IL1RAPL1: variants seen among roughly 807,000 people sequenced by gnomAD.
The protein encoded by IL1RAPL1 is interleukin-1 receptor accessory protein-like 1.
Under a neutral mutation model 48.4 loss-of-function variants are expected in IL1RAPL1, and 3 were observed. The observed-to-expected ratio is 0.06, with a 90% CI of 0.03 to 0.16. The LOEUF (loss-of-function observed/expected upper bound fraction) is 0.16, where lower values mean the gene tolerates loss of function less well. Ranked by LOEUF, IL1RAPL1 falls within the 10% of genes least tolerant of loss-of-function variation. The pLI, the probability that IL1RAPL1 is intolerant of heterozygous loss-of-function variation, is 1.00. For synonymous variants in IL1RAPL1, 185 were observed against 187.7 expected, an observed-to-expected ratio of 0.99 and a Z score of 0.12; for missense variants, 349 against 530.6, an observed-to-expected ratio of 0.66 and a Z score of 3.36.
chrX:28,892,514 G>A lies in IL1RAPL1; in HGVS notation c.82+103089G>A, dbSNP rs147977583. 1.4e-3 allele frequency among the ~76,000 whole-genome samples: 155 copies of A among 111,431 alleles called. 1 individual carries two copies. The highest frequency in any genetic ancestry group is 1.8e-3 in the Non-Finnish European group (95 of 53,105). ...ATTCTTCAGTTACTTCAGGCCATCC[G>A]GATGTATATGTGTAGGTCACAGGGG... is the stretch of plus-strand genomic sequence containing the variant. On this transcript the variant is annotated intron_variant, in intron 2 of 10. Transcript: ENST00000378993.
intron 2 of IL1RAPL1, among the ~76,000 whole-genome samples, chrX:28,841,752 C>G (rs1921378763): frequency 9.1e-6 from 1 of 110,176 alleles, no homozygotes; most frequent in Non-Finnish European, 1.9e-5. Flanking sequence ...AAGGCCAAGT[C>G]TGGAATCATT....
At chrX:29,371,293 G>A (rs1017344724) in intron 3 of IL1RAPL1, among the ~76,000 whole-genome samples, 28 of 109,096 alleles carry the variant, frequency 2.6e-4, no homozygotes, top group Non-Finnish European at 1.3e-4. Flanking sequence ...CACTATGCCC[G>A]GCTAATTTTT....
intron 5 of IL1RAPL1, among the ~76,000 whole-genome samples, chrX:29,664,130 C>T (rs1304508690): frequency 1.8e-5 from 2 of 112,144 alleles, no homozygotes; most frequent in African/African-American, 6.5e-5. Context: ...GTGGGCCGGG[C>T]GCGGTGGCTC....
At chrX:29,557,887 G>C (rs777176154) in intron 5 of IL1RAPL1, among the ~76,000 whole-genome samples, 2 of 110,246 alleles carry the variant, frequency 1.8e-5, no homozygotes, top group Admixed American at 9.7e-5. Context: ...ATATTTTATT[G>C]TGTGTGTGCA....
chrX:28,659,087 C>G (rs1934785875), intron 1 of IL1RAPL1: 1 of 668,091 alleles, frequency 1.5e-6, no homozygotes, highest in African/African-American at 2.2e-5. Context: ...ACGTATGCAG[C>G]CTGCTAGCTT....
At chrX:29,381,223 A>G (rs186299161) in intron 3 of IL1RAPL1, among the ~76,000 whole-genome samples, 21 of 110,042 alleles carry the variant, frequency 1.9e-4, no homozygotes, top group African/African-American at 6.6e-4. Flanking sequence ...CAATAATGCA[A>G]TAATAGACCA....
At chrX:29,609,165 G>A (rs1924014554) in intron 5 of IL1RAPL1, among the ~76,000 whole-genome samples, 1 of 111,406 alleles carries the variant, frequency 9.0e-6, no homozygotes, top group African/African-American at 3.3e-5. Flanking sequence ...CTCCCGTCAA[G>A]TCCTCCATTT....
At chrX:29,654,754 T>G (rs1925623145) in intron 5 of IL1RAPL1, among the ~76,000 whole-genome samples, 3 of 111,863 alleles carry the variant, frequency 2.7e-5, no homozygotes, top group Non-Finnish European at 5.6e-5. Flanking sequence ...CCAATGAAAT[T>G]TAATTCATCT....
At chrX:29,767,388 T>G (rs1928940567) in intron 6 of IL1RAPL1, among the ~76,000 whole-genome samples, 1 of 112,250 alleles carries the variant, frequency 8.9e-6, no homozygotes, top group South Asian at 3.7e-4. Context: ...TAGTTCTTAA[T>G]AATACCGTCA....
chrX:28,746,571 A>T (rs1290897239), intron 1 of IL1RAPL1, among the ~76,000 whole-genome samples: 1 of 111,905 alleles, frequency 8.9e-6, no homozygotes, highest in Non-Finnish European at 1.9e-5. Flanking sequence ...AATAGAAGGG[A>T]TATAATCTGA....
intron 5 of IL1RAPL1, among the ~76,000 whole-genome samples, chrX:29,524,250 A>G (rs12014589): frequency 0.027 from 2,817 of 106,211 alleles, 98 homozygotes; most frequent in African/African-American, 0.093. Flanking sequence ...TCCAAGACAC[A>G]TTTATGTAAG....
chrX:28,595,462 A>G (rs1171050884), intron 1 of IL1RAPL1, among the ~76,000 whole-genome samples: 1 of 112,287 alleles, frequency 8.9e-6, no homozygotes, highest in African/African-American at 3.2e-5. Flanking sequence ...AAATAGCTTG[A>G]AAGGACTGCA....
chrX:29,083,818 A>G (rs1927894649), intron 2 of IL1RAPL1, among the ~76,000 whole-genome samples: 1 of 112,223 alleles, frequency 8.9e-6, no homozygotes, highest in South Asian at 3.7e-4. Flanking sequence ...GGTTATATAC[A>G]GAGAACAAAC....
intron 3 of IL1RAPL1, among the ~76,000 whole-genome samples, chrX:29,297,885 A>T (rs1048953333): frequency 1.8e-5 from 2 of 111,955 alleles, no homozygotes; most frequent in African/African-American, 6.5e-5. Context: ...TGGCTAATTT[A>T]TTTGAAGAAT....
At chrX:29,264,478 A>AGAAAGC (rs1397940665) in intron 2 of IL1RAPL1, among the ~76,000 whole-genome samples, 1 of 111,256 alleles carries the variant, frequency 9.0e-6, no homozygotes, top group Non-Finnish European at 1.9e-5. Flanking sequence ...TCCATCTGTA[A>AGAAAGC]GAAAGCATTA....
chrX:28,936,361 T>A (rs1924015767), intron 2 of IL1RAPL1, among the ~76,000 whole-genome samples: 1 of 109,892 alleles, frequency 9.1e-6, no homozygotes, highest in South Asian at 3.9e-4. Flanking sequence ...TAAAAAAAAA[T>A]TAGCCAGACA....
At chrX:28,969,799 G>C (rs775352350) in intron 2 of IL1RAPL1, among the ~76,000 whole-genome samples, 1 of 105,724 alleles carries the variant, frequency 9.5e-6, no homozygotes, top group South Asian at 4.2e-4. Context: ...CAATATTTTG[G>C]CTTATTTTTT....
At chrX:29,437,577 A>T (rs1243339589) in intron 5 of IL1RAPL1, among the ~76,000 whole-genome samples, 1 of 110,498 alleles carries the variant, frequency 9.0e-6, no homozygotes, top group Non-Finnish European at 1.9e-5. Context: ...TCATTATCAC[A>T]TTGAAGATGT....
chrX:29,682,835 G>A (rs1029125590), intron 6 of IL1RAPL1, among the ~76,000 whole-genome samples: 2 of 112,026 alleles, frequency 1.8e-5, no homozygotes, highest in Admixed American at 1.9e-4. Context: ...TTAATTGCCT[G>A]GTGTGATTGA....
Sources: gnomAD v4.1 joint callset for allele counts (sites outside exome capture counted in the v4.1 genomes callset) on GRCh38, gnomAD v4.1.1 for gene constraint, MANE v1.5 for transcripts, NCBI Gene and HGNC (gene_info 2026-07-23, HGNC 2026-07-21) for gene names.